The following GRIN2B variants were observed in gnomAD, a reference collection of about 807,000 sequenced individuals.
GRIN2B encodes glutamate ionotropic receptor NMDA type subunit 2B.
Under a neutral mutation model 114.5 loss-of-function variants are expected in GRIN2B, and 5 were observed. The observed-to-expected ratio is 0.04, with a 90% CI of 0.02 to 0.09. The LOEUF (loss-of-function observed/expected upper bound fraction) is 0.09, where lower values mean the gene tolerates loss of function less well. GRIN2B is among the 10% of genes least tolerant of loss of function. The pLI is 1.00. For missense variants in GRIN2B, 1,108 were observed against 1,943.5 expected (o/e 0.57, Z 8.08); for synonymous variants, 787 against 745.1 (o/e 1.06, Z -0.92).
At chr12:13,834,206 T>C (rs1237564962) in intron 3 of GRIN2B, among the ~76,000 whole-genome samples, 1 of 146,578 alleles carries the variant, frequency 6.8e-6, no homozygotes. Context: ...AATTTTTTTT[T>C]TTTTTTTTTT....
intron 4 of GRIN2B, among the ~76,000 whole-genome samples, chr12:13,724,535 G>A (rs1255212264): frequency 6.6e-6 from 1 of 152,050 alleles, no homozygotes; most frequent in Middle Eastern, 3.2e-3. Context: ...GGAAGACTTT[G>A]GCAAAATATT....
At chr12:13,922,117 A>G (rs150963541) in intron 2 of GRIN2B, among the ~76,000 whole-genome samples, 1 of 152,294 alleles carries the variant, frequency 6.6e-6, no homozygotes, top group African/African-American at 2.4e-5. Context: ...AAGCTCTCCT[A>G]TATAATATTT....
intron 2 of GRIN2B, among the ~76,000 whole-genome samples, chr12:13,908,592 TC>T (rs1391817874): frequency 6.6e-6 from 1 of 152,190 alleles, no homozygotes. Context: ...CGAAAGTTCT[TC>T]CTTATAATGA....
At chr12:13,765,318 T>C (rs973928958) in intron 3 of GRIN2B, among the ~76,000 whole-genome samples, 1 of 152,200 alleles carries the variant, frequency 6.6e-6, no homozygotes, top group Non-Finnish European at 1.5e-5. Flanking sequence ...TGAAACTAGA[T>C]TATTTTACAA....
intron 2 of GRIN2B, among the ~76,000 whole-genome samples, chr12:13,901,416 T>C (rs1866450493): frequency 6.6e-6 from 1 of 152,128 alleles, no homozygotes. Flanking sequence ...TTAAAGAAAC[T>C]ACCCTGTATA....
intron 4 of GRIN2B, among the ~76,000 whole-genome samples, chr12:13,718,427 G>C (rs10845832): frequency 0.011 from 1,666 of 151,608 alleles, 14 homozygotes; most frequent in Non-Finnish European, 0.017. Flanking sequence ...AAGTACCAAG[G>C]AAAAAAAGAG....
intron 2 of GRIN2B, among the ~76,000 whole-genome samples, chr12:13,876,317 C>T (rs760292561): frequency 2.0e-5 from 3 of 152,126 alleles, no homozygotes; most frequent in Non-Finnish European, 2.9e-5. Flanking sequence ...AAACAATTTA[C>T]TTGAAAGCAT....
At chr12:13,678,731 T>C (rs1950100123) in intron 4 of GRIN2B, among the ~76,000 whole-genome samples, 1 of 152,024 alleles carries the variant, frequency 6.6e-6, no homozygotes, top group Non-Finnish European at 1.5e-5. Context: ...AGGTCTCTTA[T>C]AGTTTGCAAT....
intron 10 of GRIN2B, among the ~76,000 whole-genome samples, chr12:13,578,375 C>T (rs1948804861): frequency 6.6e-6 from 1 of 152,184 alleles, no homozygotes; most frequent in Non-Finnish European, 1.5e-5. Flanking sequence ...TTGGAAACCT[C>T]GCTCTGAGAG....
At chr12:13,654,366 CAGA>C (rs1949843829) in intron 5 of GRIN2B, among the ~76,000 whole-genome samples, 1 of 152,104 alleles carries the variant, frequency 6.6e-6, no homozygotes, top group Admixed American at 6.5e-5. Flanking sequence ...TGGCAGGAAA[CAGA>C]AGAATGAAAG....
intron 5 of GRIN2B, among the ~76,000 whole-genome samples, chr12:13,623,331 C>T (rs540957695): frequency 3.3e-5 from 5 of 152,134 alleles, no homozygotes; most frequent in Admixed American, 6.5e-5. Context: ...AATGAAAAGG[C>T]GGAACAAAAG....
intron 3 of GRIN2B, among the ~76,000 whole-genome samples, chr12:13,778,676 C>A (rs374660488): frequency 6.6e-6 from 1 of 152,178 alleles, no homozygotes. Context: ...TCATCAAGAA[C>A]GATCTTACTT....
chr12:13,591,788 G>A (rs1949012684), intron 10 of GRIN2B, among the ~76,000 whole-genome samples: 1 of 152,018 alleles, frequency 6.6e-6, no homozygotes, highest in African/African-American at 2.4e-5. Context: ...TTTTGGCTTT[G>A]GACTGCAATT....
intron 2 of GRIN2B, among the ~76,000 whole-genome samples, chr12:13,972,859 G>A (rs1862954495): frequency 6.6e-6 from 1 of 152,164 alleles, no homozygotes; most frequent in Non-Finnish European, 1.5e-5. Context: ...AGATTTTGGG[G>A]CCTACTATAT....
intron 5 of GRIN2B, among the ~76,000 whole-genome samples, chr12:13,664,561 G>C: frequency 6.6e-6 from 1 of 152,112 alleles, no homozygotes; most frequent in East Asian, 1.9e-4. Flanking sequence ...CATCCCTTCT[G>C]AATTAACTCA....
At chr12:13,588,791 G>A (rs1056903150) in intron 10 of GRIN2B, among the ~76,000 whole-genome samples, 6 of 152,186 alleles carry the variant, frequency 3.9e-5, no homozygotes, top group African/African-American at 1.4e-4. Context: ...ACACCAGTAG[G>A]AGGGCTTCTG....
At chr12:13,596,428 C>A (rs976379173) in intron 10 of GRIN2B, among the ~76,000 whole-genome samples, 5 of 152,316 alleles carry the variant, frequency 3.3e-5, no homozygotes, top group African/African-American at 1.2e-4. Flanking sequence ...GTCTTCTTGT[C>A]ACAAGTACTT....
At chr12:13,814,960 T>A (rs1864790387) in intron 3 of GRIN2B, among the ~76,000 whole-genome samples, 1 of 152,236 alleles carries the variant, frequency 6.6e-6, no homozygotes, top group Non-Finnish European at 1.5e-5. Context: ...TTTGATTTTT[T>A]AAACCTGTAT....
intron 5 of GRIN2B, among the ~76,000 whole-genome samples, chr12:13,673,839 C>T (rs1367199515): frequency 6.6e-6 from 1 of 152,062 alleles, no homozygotes; most frequent in South Asian, 2.1e-4. Context: ...AAGCTGCCCC[C>T]TCTGTACATC....
Sources: gnomAD v4.1 joint callset for allele counts (sites outside exome capture counted in the v4.1 genomes callset) on GRCh38, gnomAD v4.1.1 for gene constraint, MANE v1.5 for transcripts, NCBI Gene and HGNC (gene_info 2026-07-23, HGNC 2026-07-21) for gene names.